The following DAPK2 variants were observed in gnomAD, a reference collection of about 807,000 sequenced individuals.
DAPK2 encodes the protein death associated protein kinase 2.
Under a neutral mutation model 44.1 loss-of-function variants are expected in DAPK2, and 35 were observed. The observed-to-expected ratio is 0.79, with a 90% confidence interval of 0.61 to 1.05. The LOEUF (loss-of-function observed/expected upper bound fraction) is 1.05, where lower values mean the gene tolerates loss of function less well. DAPK2 is among the 50% of genes least tolerant of loss of function. The pLI is 0.00. For missense variants in DAPK2, 453 were observed against 483.2 expected (o/e 0.94, Z 0.59); for synonymous variants, 174 against 182.6 (o/e 0.95, Z 0.38).
intron 5 of DAPK2, among the ~76,000 whole-genome samples, chr15:63,930,155 C>T (rs1031891552): frequency 2.6e-5 from 4 of 152,206 alleles, no homozygotes; most frequent in Non-Finnish European, 4.4e-5. Context: ...TCCCCCTTGC[C>T]TCTCCTCTTG....
At chr15:63,964,619 T>C (rs1423429424) in intron 3 of DAPK2, among the ~76,000 whole-genome samples, 5 of 152,126 alleles carry the variant, frequency 3.3e-5, no homozygotes, top group African/African-American at 7.2e-5. Flanking sequence ...CTAGATGTTA[T>C]AGGAATGCTT....
At position 63,917,867 on chromosome 15, in the gene DAPK2, TAGG is replaced by T. The variant is rs2078969900; in HGVS notation, c.859-5673_859-5671del. 6.6e-6 allele frequency: 1 copy of T among 152,188 alleles called. No individual in the cohort carries two copies. The highest frequency in any genetic ancestry group is 2.4e-5 in the African/African-American group (1 of 41,446). The allele number at this position is 152,188 out of a possible 1,614,324, so 9.4% of individuals were successfully genotyped here. On this transcript the variant is annotated intron_variant, in intron 8 of 10. Coordinates refer to ENST00000261891, the Ensembl canonical transcript of DAPK2. This position sits in a 1 kb window ranked among gnomAD's most constrained non-coding sequence, Gnocchi z 4.4. The stretch of plus-strand genomic sequence containing the variant: ...CAGAATTCCTCTCTCCTTTGATTTC[TAGG>T]AGATGAGGAAGCTCTATTTTATCAC...
At chr15:63,965,972 T>C (rs924617371) in intron 3 of DAPK2, among the ~76,000 whole-genome samples, 9 of 152,230 alleles carry the variant, frequency 5.9e-5, no homozygotes, top group African/African-American at 2.2e-4. Flanking sequence ...AGTACCTATG[T>C]TGCAGGACAA....
rs185560343 is a variant in DAPK2, at chr15:63,947,083, G to A, written c.454-7722C>T. ...CTTCCCCACCTCCTACTCCCTGCCC[G>A]CTTTCCCTCTGCTACCTCTCTGCTA... On this transcript the variant is annotated intron_variant, in intron 3 of 10. Coordinates refer to ENST00000261891, the Ensembl canonical transcript of DAPK2. 9.9e-5 allele frequency among the ~76,000 whole-genome samples: 15 copies of A among 151,548 alleles called. No individual in the cohort carries two copies. In the East Asian group the frequency reaches 1.6e-3, roughly 16 times the overall value.
chr15:63,988,531 G>C (rs1445916575), intron 1 of DAPK2, among the ~76,000 whole-genome samples: 1 of 148,258 alleles, frequency 6.7e-6, no homozygotes, highest in Non-Finnish European at 1.5e-5. Flanking sequence ...TTGAGCTGGA[G>C]TCTCGCTCTG....
Position 63,923,201 on chromosome 15 carries a change from C to T in DAPK2, c.858+1615G>A. The stretch of plus-strand genomic sequence containing the variant: ...GACCCGAGCCACGTCTTCCACCACA[C>T]AGGCAAAACGCTCGAAGTTGACATA... On this transcript the variant is annotated intron_variant, in intron 8 of 10. Transcript: ENST00000261891. This position sits in a 1 kb window ranked among gnomAD's most constrained non-coding sequence, Gnocchi z 4.2. 6.5e-7 allele frequency: 1 copy of T among 1,535,932 alleles called. No homozygotes were observed. The highest frequency in any genetic ancestry group is 8.7e-7 in the Non-Finnish European group (1 of 1,146,742).
rs993449002 is a variant in DAPK2 at position 63,912,537 on chromosome 15, C to T, written c.859-340G>A. ...GTCATTTTACAGCAGTCTGGGATGC[C>T]CTCTGGGCACTGGGGTGATTCTGGG... On this transcript the variant is annotated intron_variant, in intron 8 of 10. Transcript: ENST00000261891. The surrounding 1 kb of genome is among the most constrained non-coding windows in gnomAD (Gnocchi z 4.4). Among the ~76,000 whole-genome samples the T allele has an allele frequency of 3.9e-5, 6 of 152,192 alleles. No homozygotes were observed. The highest frequency in any genetic ancestry group is 8.8e-5 in the Non-Finnish European group (6 of 68,034).
intron 3 of DAPK2, among the ~76,000 whole-genome samples, chr15:63,940,830 T>A (rs2077286989): frequency 6.6e-6 from 1 of 152,088 alleles, no homozygotes; most frequent in Admixed American, 6.5e-5. Flanking sequence ...GAACCAGTCA[T>A]AAAAGACAAA....
Position 63,933,841 on chromosome 15 carries a change from G to A in DAPK2, c.584-3386C>T, listed in dbSNP as rs537242639. Among the ~76,000 whole-genome samples, 5 of 148,486 alleles carry A rather than the reference G, an allele frequency of 3.4e-5. No individual in the cohort carries two copies. In the South Asian group the frequency reaches 6.5e-4, roughly 19 times the overall value. On this transcript the variant is annotated intron_variant, in intron 4 of 10. Coordinates refer to ENST00000261891, the Ensembl canonical transcript of DAPK2. ...CTTCAATTTCTAGGCTCAAGCCTCC[G>A]GCCTCAGCCTCCCAAAGTGCTGGGA... is the stretch of plus-strand genomic sequence containing the variant.
intron 6 of DAPK2, chr15:63,928,287 GC>G (rs1418693868): frequency 1.3e-5 from 2 of 152,366 alleles, no homozygotes; most frequent in African/African-American, 4.8e-5. Context: ...ATCTTCAGCT[GC>G]AGCTCAGGGG....
chr15:63,974,228 C>T (rs954368408), intron 2 of DAPK2, among the ~76,000 whole-genome samples: 42 of 152,100 alleles, frequency 2.8e-4, no homozygotes, highest in African/African-American at 1.0e-3. Context: ...ATCCTGTCAA[C>T]AAAAAGAGTC....
Position 64,046,252 on chromosome 15 carries a change from G to A in DAPK2, c.-7+46C>T, listed in dbSNP as rs971974452. ...ACCCGGGCGCTGCTGCCGTCAGGCC[G>A]CGCGCCCCGTCCCGCCCATCGAGCC... On this transcript the variant is annotated intron_variant, in intron 1 of 11. Coordinates refer to the DAPK2 transcript ENST00000457488. The surrounding 1 kb of genome is among the most constrained non-coding windows in gnomAD (Gnocchi z 5.3). 71 of 877,938 alleles carry A rather than the reference G, an allele frequency of 8.1e-5. No homozygotes were observed. The highest frequency in any genetic ancestry group is 2.5e-4 in the Admixed American group (4 of 16,016). 54.4% of individuals were successfully genotyped at this position (877,938 alleles called of 1,614,324 possible).
At chr15:63,963,076 C>T (rs995193981) in intron 3 of DAPK2, among the ~76,000 whole-genome samples, 19 of 152,200 alleles carry the variant, frequency 1.2e-4, no homozygotes, top group Non-Finnish European at 1.5e-5. Context: ...AAGCCTTGCT[C>T]CCACCTTGCA....
At chr15:64,014,015 C>T (rs2079455494) in intron 1 of DAPK2, among the ~76,000 whole-genome samples, 1 of 152,168 alleles carries the variant, frequency 6.6e-6, no homozygotes, top group South Asian at 2.1e-4. Context: ...CTGCCAGAGG[C>T]CTTGCTGAGG....
chr15:63,963,851 A>C (rs2077979401), intron 3 of DAPK2, among the ~76,000 whole-genome samples: 1 of 152,118 alleles, frequency 6.6e-6, no homozygotes. Context: ...AAAACTCTAC[A>C]CTTTAACTTT....
chr15:63,940,898 G>A (rs182275808), intron 3 of DAPK2, among the ~76,000 whole-genome samples: 1 of 152,102 alleles, frequency 6.6e-6, no homozygotes, highest in Admixed American at 6.6e-5. Flanking sequence ...ACAGAAAGTA[G>A]ATTAGTAGTC....
At chr15:63,922,887 G>A (rs976450990) in intron 8 of DAPK2, 1 of 1,535,942 alleles carries the variant, frequency 6.5e-7, no homozygotes, top group Non-Finnish European at 8.7e-7. Context: ...TGAATCCACT[G>A]CAGGTCTGCG....
chr15:63,936,510 C>G (rs1178511145), intron 4 of DAPK2, among the ~76,000 whole-genome samples: 4 of 152,112 alleles, frequency 2.6e-5, no homozygotes, highest in Non-Finnish European at 5.9e-5. Flanking sequence ...ACTAGGGAGG[C>G]TGAGGCACAA....
At chr15:63,950,106 TATGGA>T (rs2077548471) in intron 3 of DAPK2, among the ~76,000 whole-genome samples, 2 of 152,242 alleles carry the variant, frequency 1.3e-5, no homozygotes, top group South Asian at 4.1e-4. Flanking sequence ...CAGGTTTTAG[TATGGA>T]AATAGCTCCA....
Sources: gnomAD v4.1 joint callset for allele counts (sites outside exome capture counted in the v4.1 genomes callset) on GRCh38, gnomAD v4.1.1 for gene constraint, Gnocchi (gnomAD v3.1) non-coding constraint, MANE v1.5 for transcripts, NCBI Gene and HGNC (gene_info 2026-07-23, HGNC 2026-07-21) for gene names.